The following OR4Q3 variants were observed in gnomAD, a reference collection of about 807,000 sequenced individuals.
OR4Q3 encodes the protein olfactory receptor 4Q3.
OR4Q3 carries 17 observed loss-of-function variants against 18.8 expected under a neutral mutation model. The ratio of observed to expected loss-of-function variants is 0.91; its 90% confidence interval spans 0.62 to 1.36. The LOEUF (loss-of-function observed/expected upper bound fraction) is 1.36. Among genes scored for constraint, OR4Q3 ranks in the 40% most tolerant of loss-of-function variants. The pLI, the probability that OR4Q3 is intolerant of heterozygous loss-of-function variation, is 0.00. For missense variants in OR4Q3, 378 were observed against 373.4 expected (o/e 1.01, Z -0.10); for synonymous variants, 158 against 145.8 (o/e 1.08, Z -0.60).
downstream of OR4Q3, among the ~76,000 whole-genome samples, chr14:19,751,563 T>G: frequency 1.3e-5 from 2 of 152,090 alleles, no homozygotes; most frequent in African/African-American, 4.8e-5. Flanking sequence ...TGATTCAATT[T>G]CAGAGCTTGA....
intron 1 of OR4Q3, among the ~76,000 whole-genome samples, chr14:19,745,693 C>CA: frequency 6.6e-6 from 1 of 152,164 alleles, no homozygotes; most frequent in South Asian, 2.1e-4. Context: ...AAAAGAACAT[C>CA]AAAATGAGAT....
chr14:19,744,009 C>G (rs550061506), intron 1 of OR4Q3, among the ~76,000 whole-genome samples: 2 of 152,282 alleles, frequency 1.3e-5, no homozygotes, highest in South Asian at 4.1e-4. Context: ...CTGCTATAGT[C>G]CCTTCTAGAT....
chr14:19,746,570 G>T, intron 1 of OR4Q3, among the ~76,000 whole-genome samples: 1 of 152,112 alleles, frequency 6.6e-6, no homozygotes, highest in Non-Finnish European at 1.5e-5. Context: ...GGTGATTAGT[G>T]TCTTTTAATC....
chr14:19,749,716 CTTCT>C, downstream of OR4Q3, among the ~76,000 whole-genome samples: 156 of 144,854 alleles, frequency 1.1e-3, no homozygotes, highest in African/African-American at 3.6e-3. Context: ...ATACAGATTG[CTTCT>C]TTCTTTCTTT....
chr14:19,747,770 T>C lies in OR4Q3; in HGVS notation c.367T>C (p.Leu123=). The C allele has an allele frequency of 3.6e-3, 5,850 of 1,612,958 alleles. 14 individuals are homozygous for C. Among genetic ancestry groups the C allele is most frequent in the Non-Finnish European group, 4.6e-3 (5,374 of 1,178,948 alleles). ...CTTTCTAGGAGCCAGTGAGATGTTTTTGCTGACAGTCATGGCCTATGACAG... is the reference window on the plus strand; with the variant it reads ...CTTTCTAGGAGCCAGTGAGATGTTTCTGCTGACAGTCATGGCCTATGACAG... The change falls in exon 2 of 2, where the codon TTG becomes CTG. Residue 123 remains leucine, a synonymous_variant. Coordinates refer to ENST00000642117, the Ensembl canonical transcript of OR4Q3.
downstream of OR4Q3, among the ~76,000 whole-genome samples, chr14:19,750,459 A>G: frequency 1.3e-5 from 2 of 152,262 alleles, no homozygotes; most frequent in Non-Finnish European, 2.9e-5. Context: ...GATAATGACA[A>G]ACTTTTACAA....
At position 19,747,750 on chromosome 14, in the gene OR4Q3, T is replaced by C; in HGVS notation, c.347T>C (p.Leu116Pro). ...GCCCAGATCTACTTCCTCCACTTTC[T>C]AGGAGCCAGTGAGATGTTTTTGCTG... is the stretch of plus-strand genomic sequence containing the variant. The change falls in exon 2 of 2, where the codon CTA (leucine) becomes CCA (proline). Residue 116 changes from leucine (L) to proline (P), a missense_variant. Transcript: ENST00000642117. 1.5e-5 allele frequency: 25 copies of C among 1,613,884 alleles called. 1 individual carries two copies. The highest frequency in any genetic ancestry group is 2.1e-5 in the Non-Finnish European group (25 of 1,179,940).
chr14:19,749,630 A>AAAAAAAAG, downstream of OR4Q3, among the ~76,000 whole-genome samples: 1 of 149,208 alleles, frequency 6.7e-6, no homozygotes, highest in African/African-American at 2.5e-5. Context: ...AAAAAAAAAA[A>AAAAAAAAG]AAAAGAAAGC....
chr14:19,747,919 C>G, exon 2 of OR4Q3: 2 of 1,613,920 alleles, frequency 1.2e-6, no homozygotes, highest in African/African-American at 2.7e-5. Flanking sequence ...TCATACTAGT[C>G]ATCCAGCTGC....
At chr14:19,747,979 A>C in exon 2 of OR4Q3, 2 of 1,614,062 alleles carry the variant, frequency 1.2e-6, no homozygotes, top group Non-Finnish European at 1.7e-6. Context: ...ATGTCCCACA[A>C]GTCATCAAGC....
chr14:19,749,991 CTTT>C, downstream of OR4Q3, among the ~76,000 whole-genome samples: 1 of 138,104 alleles, frequency 7.2e-6, no homozygotes, highest in South Asian at 2.2e-4. Flanking sequence ...CTTTCTTCTT[CTTT>C]TTTTTTTGAG....
At chr14:19,748,916 A>G in exon 2 of OR4Q3, 2 of 154,746 alleles carry the variant, frequency 1.3e-5, no homozygotes, top group Non-Finnish European at 2.9e-5. Context: ...CAAGTTTTAG[A>G]AATGTAGTCA....
At chr14:19,751,052 C>T, downstream of OR4Q3, among the ~76,000 whole-genome samples, 3 of 152,214 alleles carry the variant, frequency 2.0e-5, no homozygotes, top group East Asian at 1.9e-4. Context: ...TTGGTATAAG[C>T]CAGCTGCAAC....
exon 2 of OR4Q3, chr14:19,748,565 A>T: frequency 1.8e-6 from 1 of 545,410 alleles, no homozygotes; most frequent in Non-Finnish European, 3.2e-6. Context: ...CCTTTTGACC[A>T]TAATCAAGAG....
exon 2 of OR4Q3, chr14:19,747,797 T>A: frequency 6.2e-7 from 1 of 1,614,046 alleles, no homozygotes; most frequent in Non-Finnish European, 8.5e-7. Context: ...CTATGACAGG[T>A]ATGTTGCCAT....
At chr14:19,748,656 C>T in exon 2 of OR4Q3, 3 of 377,596 alleles carry the variant, frequency 7.9e-6, no homozygotes, top group African/African-American at 4.2e-5. Context: ...ATCTTTATGT[C>T]TCTAAGTACT....
downstream of OR4Q3, among the ~76,000 whole-genome samples, chr14:19,749,928 T>C: frequency 6.7e-6 from 1 of 149,476 alleles, no homozygotes; most frequent in East Asian, 2.0e-4. Flanking sequence ...TTTCTTTCTC[T>C]CTCTCTTTCT....
exon 2 of OR4Q3, chr14:19,748,077 T>C: frequency 3.5e-5 from 57 of 1,613,928 alleles, no homozygotes; most frequent in Non-Finnish European, 4.5e-5. Context: ...GTCTTACTAT[T>C]CTCTTATGCT....
At chr14:19,745,923 G>A in intron 1 of OR4Q3, among the ~76,000 whole-genome samples, 1 of 152,156 alleles carries the variant, frequency 6.6e-6, no homozygotes, top group East Asian at 1.9e-4. Flanking sequence ...CGGCTATATA[G>A]GCAGATGAAG....
Sources: gnomAD v4.1 joint callset for allele counts (sites outside exome capture counted in the v4.1 genomes callset) on GRCh38, gnomAD v4.1.1 for gene constraint, MANE v1.5 for transcripts, NCBI Gene and HGNC (gene_info 2026-07-23, HGNC 2026-07-21) for gene names.